Variants in AJAP1 observed in about 807,000 individuals in gnomAD.
The protein encoded by AJAP1 is adherens junction-associated protein 1.
Under a neutral mutation model 35.0 loss-of-function variants are expected in AJAP1, and 5 were observed. The observed-to-expected ratio is 0.14, with a 90% confidence interval of 0.07 to 0.30. The LOEUF (loss-of-function observed/expected upper bound fraction) is 0.30, where lower values mean the gene tolerates loss of function less well. AJAP1 is among the 10% of genes least tolerant of loss of function. AJAP1 has a pLI of 1.00. For missense variants in AJAP1, 586 were observed against 571.0 expected (o/e 1.03, Z -0.27); for synonymous variants, 284 against 249.3 (o/e 1.14, Z -1.31).
rs1457909926 is a variant in AJAP1, at chr1:4,783,556, T to C, written c.*1071T>C. ...ATATATATATATATGTTTGTGTGTG[T>C]ATATATATGTTTGTGTATATATATA... On this transcript the variant is annotated 3_prime_UTR_variant, in exon 6 of 6. Coordinates refer to ENST00000378191, the MANE Select transcript of AJAP1 (RefSeq NM_018836.4). 1.4e-5 allele frequency: 2 copies of C among 146,912 alleles called. No individual in the cohort carries two copies. The highest frequency in any genetic ancestry group is 3.0e-5 in the Non-Finnish European group (2 of 66,994). The allele number at this position is 146,912 out of a possible 1,614,324, so 9.1% of individuals were successfully genotyped here.
rs1641230011 is a variant in AJAP1 at position 4,748,004 on chromosome 1, AC to A, written c.830-21848del. 4.7e-5 allele frequency among the ~76,000 whole-genome samples: 7 copies of A among 150,346 alleles called. 1 individual carries two copies. Among genetic ancestry groups the A allele is most frequent in the Non-Finnish European group, 1.5e-5 (1 of 67,468 alleles). ...CAGACTCTGTCTCAAAAAAAAAAAA[AC>A]AAAGCAAAAAAACCCTCCTTTCCTT... On this transcript the variant is annotated intron_variant, in intron 2 of 5. Coordinates refer to ENST00000378191, the MANE Select transcript of AJAP1 (RefSeq NM_018836.4).
intron 2 of AJAP1, among the ~76,000 whole-genome samples, chr1:4,717,489 A>G (rs1252543841): frequency 6.6e-6 from 1 of 152,210 alleles, no homozygotes; most frequent in Non-Finnish European, 1.5e-5. Context: ...CGTATTCGTG[A>G]CATCCAGCAG....
intron 1 of AJAP1, among the ~76,000 whole-genome samples, chr1:4,683,971 A>G (rs758166624): frequency 2.0e-5 from 3 of 152,140 alleles, no homozygotes; most frequent in Non-Finnish European, 4.4e-5. Context: ...ACAGACACAC[A>G]GGGCAGGGTG....
intron 1 of AJAP1, among the ~76,000 whole-genome samples, chr1:4,658,587 C>T (rs536463990): frequency 6.6e-6 from 1 of 152,356 alleles, no homozygotes; most frequent in African/African-American, 2.4e-5. Context: ...TGCTACTCCT[C>T]GGGGACAATC....
chr1:4,750,063 T>A (rs1264580885), intron 2 of AJAP1, among the ~76,000 whole-genome samples: 1 of 152,132 alleles, frequency 6.6e-6, no homozygotes, highest in Non-Finnish European at 1.5e-5. Context: ...TATCTATATA[T>A]GCCAGTGTGT....
rs540625746 is a variant in AJAP1 at position 4,692,559 on chromosome 1, G to C, written c.30-19341G>C. Among the ~76,000 whole-genome samples the C allele has an allele frequency of 6.6e-6, 1 of 152,266 alleles. No individual in the cohort carries two copies. Among genetic ancestry groups the C allele is most frequent in the African/African-American group, 2.4e-5 (1 of 41,546 alleles). On this transcript the variant is annotated intron_variant, in intron 1 of 5. Transcript: ENST00000378191. This position sits in a 1 kb window ranked among gnomAD's most constrained non-coding sequence, Gnocchi z 4.4. ...AGAAAAATAGCTCAGCCCCAGCCTG[G>C]CCTCCGCAGGCCTCCTGACCATGGC...
In AJAP1 at chr1:4,712,098, C is replaced by G; in HGVS notation, c.228C>G (p.Ala76=). 1 of 1,553,034 alleles carries G rather than the reference C, an allele frequency of 6.4e-7. No individual in the cohort carries two copies. Among genetic ancestry groups the G allele is most frequent in the East Asian group, 2.4e-5 (1 of 41,892 alleles). ...FRSGQPARVP[A]PVWSPRPPRV... is the part of the protein sequence containing the mutation. ...GTGGACAGCCAGCGCGGGTCCCGGC[C>G]CCGGTGTGGAGCCCCCGGCCGCCCC... The change falls in exon 2 of 6, where the codon GCC becomes GCG. Residue 76 remains alanine, a synonymous_variant. Transcript: ENST00000378191.
chr1:4,700,466 A>C (rs1408618493), intron 1 of AJAP1, among the ~76,000 whole-genome samples: 1 of 152,136 alleles, frequency 6.6e-6, no homozygotes, highest in Admixed American at 6.5e-5. Context: ...GCCCAGGCTG[A>C]GAACCTCTCC....
At chr1:4,709,177 GT>G (rs1466339627) in intron 1 of AJAP1, among the ~76,000 whole-genome samples, 1 of 127,608 alleles carries the variant, frequency 7.8e-6, no homozygotes, top group Non-Finnish European at 1.6e-5. Flanking sequence ...TGGCAGGCAG[GT>G]TTGCTTGTCA....
chr1:4,704,312 C>A (rs1359896706), intron 1 of AJAP1, among the ~76,000 whole-genome samples: 1 of 125,252 alleles, frequency 8.0e-6, no homozygotes, highest in Non-Finnish European at 1.6e-5. Context: ...CCCCCCTCCC[C>A]CCACCCCACA....
chr1:4,761,025 A>G (rs1002660095), intron 2 of AJAP1, among the ~76,000 whole-genome samples: 1 of 152,192 alleles, frequency 6.6e-6, no homozygotes, highest in Admixed American at 6.5e-5. Flanking sequence ...GTGATTCATG[A>G]TCTTGCAAAC....
In AJAP1 at chr1:4,790,927, TG is replaced by T; in HGVS notation, c.*8443del. Reference sequence around the variant, plus strand: ...AGAAGTGTTTCTGTTTTTTTGTTTTTGTTTTTGTTTTTGTTTTTGTTTTTGT... The same window carrying T: ...AGAAGTGTTTCTGTTTTTTTGTTTTTTTTTTGTTTTTGTTTTTGTTTTTGT... On this transcript the variant is annotated 3_prime_UTR_variant, in exon 6 of 6. Coordinates refer to ENST00000378191, the MANE Select transcript of AJAP1 (RefSeq NM_018836.4). 1 of 149,782 alleles carries T rather than the reference TG, an allele frequency of 6.7e-6. No homozygotes were observed. The allele number at this position is 149,782 out of a possible 1,614,324, so 9.3% of individuals were successfully genotyped here.
chr1:4,695,117 C>A (rs1297336160), intron 1 of AJAP1, among the ~76,000 whole-genome samples: 3 of 152,006 alleles, frequency 2.0e-5, no homozygotes, highest in Non-Finnish European at 4.4e-5. Context: ...GTGCTGTGGG[C>A]ATTGTGTGGA....
At position 4,734,182 on chromosome 1, in the gene AJAP1, G is replaced by T. The variant is rs1190632484; in HGVS notation, c.829+21483G>T. ...CATGCACTTGTTCTGTGTGGAGGAAGAGAGGCACCCGCTCAGATGCTCCTT... is the reference window on the plus strand; with the variant it reads ...CATGCACTTGTTCTGTGTGGAGGAATAGAGGCACCCGCTCAGATGCTCCTT... On this transcript the variant is annotated intron_variant, in intron 2 of 5. Transcript: ENST00000378191. The surrounding 1 kb of genome is among the most constrained non-coding windows in gnomAD (Gnocchi z 4.3). Among the ~76,000 whole-genome samples, 1 of 152,220 alleles carries T rather than the reference G, an allele frequency of 6.6e-6. No individual in the cohort carries two copies. Among genetic ancestry groups the T allele is most frequent in the African/African-American group, 2.4e-5 (1 of 41,466 alleles).
At chr1:4,728,745 G>C (rs1361496678) in intron 2 of AJAP1, among the ~76,000 whole-genome samples, 1 of 152,140 alleles carries the variant, frequency 6.6e-6, no homozygotes, top group Non-Finnish European at 1.5e-5. Context: ...GCTGCTGATT[G>C]CTGGGCCCCA....
chr1:4,655,248 C>A lies in AJAP1; in HGVS notation c.-178C>A. ...CCAACGGCGGCGGCGCGCCGGCCGG[C>A]ATGGAGCCCCGCGCGGCCGCGCTCT... On this transcript the variant is annotated 5_prime_UTR_variant, in exon 1 of 6. Coordinates refer to ENST00000378191, the MANE Select transcript of AJAP1 (RefSeq NM_018836.4). The surrounding 1 kb of genome is among the most constrained non-coding windows in gnomAD (Gnocchi z 6.9). The A allele has an allele frequency of 4.6e-6, 1 of 216,612 alleles. No homozygotes were observed. The highest frequency in any genetic ancestry group is 7.9e-6 in the Non-Finnish European group (1 of 126,938). 13.4% of individuals were successfully genotyped at this position (216,612 alleles called of 1,614,324 possible).
At chr1:4,685,155 C>T (rs578056721) in intron 1 of AJAP1, among the ~76,000 whole-genome samples, 51 of 152,240 alleles carry the variant, frequency 3.3e-4, no homozygotes, top group African/African-American at 1.2e-3. Flanking sequence ...AGAAATGCAG[C>T]GATGGTGCAT....
chr1:4,771,706 C>T (rs912662888), intron 3 of AJAP1, among the ~76,000 whole-genome samples: 2 of 152,186 alleles, frequency 1.3e-5, no homozygotes, highest in African/African-American at 2.4e-5. Flanking sequence ...GGACACTTCC[C>T]TCTGCAGACT....
At chr1:4,668,337 C>CGTGTGCGTGTGT (rs1639181757) in intron 1 of AJAP1, among the ~76,000 whole-genome samples, 1 of 80,796 alleles carries the variant, frequency 1.2e-5, no homozygotes, top group Non-Finnish European at 2.8e-5. Flanking sequence ...TGTGTGTGTG[C>CGTGTGCGTGTGT]GTGTGCGTGT....
Sources: allele counts gnomAD v4.1 joint callset (sites outside exome capture counted in the v4.1 genomes callset), GRCh38; gene constraint gnomAD v4.1.1; non-coding constraint Gnocchi (gnomAD v3.1); transcripts MANE v1.5; gene names NCBI Gene and HGNC (gene_info 2026-07-23, HGNC 2026-07-21).